SYNCRIP: variants seen among roughly 807,000 people sequenced by gnomAD.
SYNCRIP encodes the protein heterogeneous nuclear ribonucleoprotein Q.
SYNCRIP carries 9 observed loss-of-function variants against 68.9 expected under a neutral mutation model. The observed-to-expected ratio is 0.13, with a 90% CI of 0.08 to 0.23. The LOEUF is 0.23. Ranked by LOEUF, SYNCRIP falls within the 10% of genes least tolerant of loss-of-function variation. The pLI, the probability that SYNCRIP is intolerant of heterozygous loss-of-function variation, is 1.00. For missense variants in SYNCRIP, 414 were observed against 770.6 expected (o/e 0.54, Z 5.48); for synonymous variants, 258 against 254.0 (o/e 1.02, Z -0.15).
intron 6 of SYNCRIP, among the ~76,000 whole-genome samples, chr6:85,634,661 A>G (rs1487394925): frequency 1.3e-5 from 2 of 152,138 alleles, no homozygotes; most frequent in African/African-American, 4.8e-5. Context: ...CCCACAGTAG[A>G]GAGAGCCCAC....
downstream of SYNCRIP, chr6:85,612,829 T>G (rs2128276010): frequency 6.5e-7 from 1 of 1,537,388 alleles, no homozygotes; most frequent in Admixed American, 2.0e-5. Flanking sequence ...TTGATTTCCT[T>G]ACCATTACTC....
chr6:85,642,030 C>T (rs914360045), intron 1 of SYNCRIP, among the ~76,000 whole-genome samples: 1 of 152,192 alleles, frequency 6.6e-6, no homozygotes, highest in African/African-American at 2.4e-5. Flanking sequence ...ACGTGCTCTG[C>T]GCCTTCCAAT....
At chr6:85,616,504 A>G (rs1805790490) in intron 10 of SYNCRIP, among the ~76,000 whole-genome samples, 1 of 151,900 alleles carries the variant, frequency 6.6e-6, no homozygotes, top group Non-Finnish European at 1.5e-5. Context: ...TTTTATTTTT[A>G]GTAGAGATGG....
downstream of SYNCRIP, chr6:85,609,690 C>T (rs1805097500): frequency 1.3e-5 from 2 of 151,916 alleles, no homozygotes; most frequent in Admixed American, 6.6e-5. Context: ...AACTGATAAC[C>T]TAAATTTATG....
At chr6:85,624,457 G>T (rs1056717610) in intron 6 of SYNCRIP, among the ~76,000 whole-genome samples, 3 of 152,148 alleles carry the variant, frequency 2.0e-5, no homozygotes, top group Middle Eastern at 3.2e-3. Context: ...CCCAAGATCA[G>T]CAAGATCTCT....
chr6:85,622,777 T>A, intron 7 of SYNCRIP, 90 bp from the exon 8 acceptor site: 6 of 1,011,122 alleles, frequency 5.9e-6, no homozygotes, highest in Admixed American at 2.2e-5. Flanking sequence ...ACTACTTAAA[T>A]ATCAAAATGA....
exon 12 of SYNCRIP, chr6:85,608,859 GAATTT>G (rs1369790778): frequency 2.0e-5 from 3 of 151,946 alleles, no homozygotes; most frequent in Non-Finnish European, 2.9e-5. Context: ...GGTGCTAATA[GAATTT>G]AAGTCTTAAA....
intron 10 of SYNCRIP, 72 bp from the exon 11 acceptor site, chr6:85,615,419 G>C: frequency 9.9e-7 from 1 of 1,007,978 alleles, no homozygotes; most frequent in Non-Finnish European, 1.4e-6. Context: ...TTAGCCATTT[G>C]TAACAGTTTA....
downstream of SYNCRIP, chr6:85,612,105 A>G (rs985241174): frequency 1.3e-5 from 2 of 152,178 alleles, no homozygotes; most frequent in African/African-American, 4.8e-5. Flanking sequence ...TATGATGGTC[A>G]TGAGGAAGTC....
At chr6:85,635,387 A>G (rs1808320289) in intron 6 of SYNCRIP, among the ~76,000 whole-genome samples, 1 of 152,216 alleles carries the variant, frequency 6.6e-6, no homozygotes, top group Non-Finnish European at 1.5e-5. Flanking sequence ...GTAAAGGCTT[A>G]TATTCTTTCA....
chr6:85,624,754 G>A (rs1806845267), intron 6 of SYNCRIP, among the ~76,000 whole-genome samples: 1 of 152,184 alleles, frequency 6.6e-6, no homozygotes, highest in Non-Finnish European at 1.5e-5. Flanking sequence ...TTATCAGAAA[G>A]CAGAGGCAAA....
chr6:85,609,977 T>C (rs910056307), downstream of SYNCRIP: 1 of 151,952 alleles, frequency 6.6e-6, no homozygotes, highest in African/African-American at 2.4e-5. Flanking sequence ...CTTTAACATG[T>C]TGACATTTTT....
chr6:85,619,423 G>A lies in SYNCRIP; in HGVS notation c.1009-6C>T. The A allele has an allele frequency of 6.2e-7, 1 of 1,608,726 alleles. No homozygotes were observed. Among genetic ancestry groups the A allele is most frequent in the Non-Finnish European group, 8.5e-7 (1 of 1,178,826 alleles). On this transcript the variant is annotated splice_region_variant and splice_polypyrimidine_tract_variant and intron_variant, in intron 8 of 10. Coordinates refer to ENST00000369622, the MANE Select transcript of SYNCRIP (RefSeq NM_006372.5). ...CGTACAAACAGCACTTTTACCTAGG[G>A]GGAAGAAAATACCCCCCTGTATTAT...
Position 85,614,229 on chromosome 6 carries a change from A to T in SYNCRIP, c.*527T>A. The T allele has an allele frequency of 1.0e-6, 1 of 985,722 alleles. No homozygotes were observed. The highest frequency in any genetic ancestry group is 1.2e-6 in the Non-Finnish European group (1 of 829,794). The allele number at this position is 985,722 out of a possible 1,614,324, so 61.1% of individuals were successfully genotyped here. A position where few individuals can be genotyped will look rare whatever the true frequency, so the allele number is the denominator to read the frequency against. Reference sequence around the variant, plus strand: ...TTAGTAAGTATACATTTAGGTGTGAATTTTTTATTGAAATAAACAACAGCA... The same window carrying T: ...TTAGTAAGTATACATTTAGGTGTGATTTTTTTATTGAAATAAACAACAGCA... On this transcript the variant is annotated 3_prime_UTR_variant, in exon 11 of 11. Coordinates refer to ENST00000369622, the MANE Select transcript of SYNCRIP (RefSeq NM_006372.5).
At chr6:85,633,915 C>A (rs1001259817) in intron 6 of SYNCRIP, among the ~76,000 whole-genome samples, 6 of 152,132 alleles carry the variant, frequency 3.9e-5, no homozygotes, top group African/African-American at 7.2e-5. Flanking sequence ...AGCAACCACA[C>A]CCTGCCAAAA....
At chr6:85,629,753 C>T (rs963015632) in intron 6 of SYNCRIP, among the ~76,000 whole-genome samples, 1 of 151,758 alleles carries the variant, frequency 6.6e-6, no homozygotes, top group African/African-American at 2.4e-5. Context: ...ACCTGGGAGG[C>T]GGAGGCTGCA....
intron 1 of SYNCRIP, among the ~76,000 whole-genome samples, chr6:85,641,898 A>G (rs899844799): frequency 6.6e-6 from 1 of 152,156 alleles, no homozygotes; most frequent in Non-Finnish European, 1.5e-5. Context: ...AAGCGCTCAT[A>G]CAAGCCACCT....
chr6:85,631,575 C>T (rs1460027998), intron 6 of SYNCRIP, among the ~76,000 whole-genome samples: 1 of 152,116 alleles, frequency 6.6e-6, no homozygotes, highest in East Asian at 1.9e-4. Flanking sequence ...CAAATGGTAC[C>T]TTAGACTAAC....
intron 8 of SYNCRIP, 72 bp downstream of exon 8, chr6:85,622,410 T>C: frequency 2.2e-6 from 3 of 1,353,318 alleles, no homozygotes; most frequent in African/African-American, 2.9e-5. Flanking sequence ...TCATTTTATG[T>C]TCCCCCCACC....
Sources: gnomAD v4.1 joint callset for allele counts (sites outside exome capture counted in the v4.1 genomes callset) on GRCh38, gnomAD v4.1.1 for gene constraint, MANE v1.5 for transcripts, NCBI Gene and HGNC (gene_info 2026-07-23, HGNC 2026-07-21) for gene names.